Variants in ZNF618 observed in about 807,000 individuals in gnomAD.
ZNF618 encodes the protein zinc finger protein 618.
A neutral mutation model predicts 103.0 loss-of-function variants in ZNF618; 34 were observed. The ratio of observed to expected loss-of-function variants is 0.33; its 90% CI spans 0.25 to 0.44. ZNF618 has a LOEUF of 0.44. Among genes scored for constraint, ZNF618 ranks in the 20% least tolerant of loss-of-function variants. ZNF618 has a pLI of 1.00. For synonymous variants in ZNF618, 551 were observed against 542.2 expected, an observed-to-expected ratio of 1.02 and a Z score of -0.23; for missense variants, 1,059 against 1,295.4, an observed-to-expected ratio of 0.82 and a Z score of 2.80.
At chr9:113,952,078 T>G (rs1473782814) in intron 1 of ZNF618, among the ~76,000 whole-genome samples, 1 of 152,200 alleles carries the variant, frequency 6.6e-6, no homozygotes, top group Non-Finnish European at 1.5e-5. Context: ...TTCCATTAAC[T>G]GTTTTTTCTT....
intron 1 of ZNF618, among the ~76,000 whole-genome samples, chr9:113,895,400 G>A (rs911958640): frequency 2.6e-4 from 39 of 152,076 alleles, no homozygotes; most frequent in African/African-American, 8.9e-4. Flanking sequence ...AACTATCCTG[G>A]AAGGAACCCA....
chr9:113,932,151 A>G (rs1417429143), intron 1 of ZNF618, among the ~76,000 whole-genome samples: 1 of 152,130 alleles, frequency 6.6e-6, no homozygotes, highest in Non-Finnish European at 1.5e-5. Context: ...AGGGGCAGGT[A>G]ATGGAGTGGA....
At chr9:113,952,189 A>G (rs1835844484) in intron 1 of ZNF618, among the ~76,000 whole-genome samples, 1 of 152,200 alleles carries the variant, frequency 6.6e-6, no homozygotes, top group Non-Finnish European at 1.5e-5. Context: ...GGTCCGCAGC[A>G]TTTCACTAAA....
intron 1 of ZNF618, among the ~76,000 whole-genome samples, chr9:113,942,047 C>T (rs1834600280): frequency 6.6e-6 from 1 of 152,124 alleles, no homozygotes. Context: ...ACGGACAAAA[C>T]ATTTAGGACA....
Position 113,925,017 on chromosome 9 carries a change from C to G in ZNF618, c.34-44100C>G, listed in dbSNP as rs1028945863. 2.0e-5 allele frequency among the ~76,000 whole-genome samples: 3 copies of G among 151,980 alleles called. No homozygotes were observed. In the South Asian group the frequency reaches 6.2e-4, roughly 32 times the overall value. ...TTGTGGTGTTGTTGGATGCAATACCCTATAATAATGTCAATTAGATCCAGT... is the reference window on the plus strand; with the variant it reads ...TTGTGGTGTTGTTGGATGCAATACCGTATAATAATGTCAATTAGATCCAGT... On this transcript the variant is annotated intron_variant, in intron 1 of 14. Transcript: ENST00000374126.
At chr9:113,885,921 C>T (rs987813920) in intron 1 of ZNF618, among the ~76,000 whole-genome samples, 9 of 152,104 alleles carry the variant, frequency 5.9e-5, no homozygotes, top group South Asian at 4.1e-4. Context: ...TAAGCTAAAG[C>T]GAATAAATGG....
At chr9:113,879,463 A>G (rs1828302636) in intron 1 of ZNF618, among the ~76,000 whole-genome samples, 1 of 129,338 alleles carries the variant, frequency 7.7e-6, no homozygotes, top group East Asian at 2.4e-4. Context: ...GAGGTGCATG[A>G]TGGTTCTATT....
intron 1 of ZNF618, among the ~76,000 whole-genome samples, chr9:113,889,173 G>T (rs575645587): frequency 2.6e-5 from 4 of 152,320 alleles, no homozygotes; most frequent in South Asian, 4.1e-4. Context: ...CAGTTGGTCA[G>T]TTCTGGCTCA....
chr9:113,912,601 T>C (rs1466355390), intron 1 of ZNF618, among the ~76,000 whole-genome samples: 1 of 152,188 alleles, frequency 6.6e-6, no homozygotes, highest in Non-Finnish European at 1.5e-5. Context: ...TTATAAGCTC[T>C]GCTGGTGTCA....
Position 113,988,587 on chromosome 9 carries a change from G to A in ZNF618, c.337+7G>A. On this transcript the variant is annotated splice_region_variant and intron_variant, in intron 3 of 14. Transcript: ENST00000374126. ...CGCAACCAGCAGACCCTTGGTGAGT[G>A]CCCAGCGTCTGTGGTCAGGGTGGAG... 6.2e-7 allele frequency: 1 copy of A among 1,601,000 alleles called. No individual in the cohort carries two copies. Among genetic ancestry groups the A allele is most frequent in the South Asian group, 1.1e-5 (1 of 89,812 alleles).
At chr9:113,958,848 A>G (rs372885810) in intron 1 of ZNF618, among the ~76,000 whole-genome samples, 22 of 152,264 alleles carry the variant, frequency 1.4e-4, no homozygotes, top group African/African-American at 5.3e-4. Flanking sequence ...GGTGTCTGTC[A>G]TTGCCCTAAC....
In ZNF618 at chr9:114,050,288, C is replaced by T. The variant is rs868162619; in HGVS notation, c.*121C>T. 2 of 1,246,920 alleles carry T rather than the reference C, an allele frequency of 1.6e-6. No homozygotes were observed. The highest frequency in any genetic ancestry group is 2.2e-6 in the Non-Finnish European group (2 of 915,512). The allele number at this position is 1,246,920 out of a possible 1,614,324, so 77.2% of individuals were successfully genotyped here. The stretch of plus-strand genomic sequence containing the variant: ...ACACTGTGGACCTCATTATAAATGC[C>T]CCCTGGAAACTTAAGTGCTTTTTTT... On this transcript the variant is annotated 3_prime_UTR_variant, in exon 15 of 15. Coordinates refer to ENST00000374126, the MANE Select transcript of ZNF618 (RefSeq NM_001318042.2).
intron 2 of ZNF618, among the ~76,000 whole-genome samples, chr9:113,975,050 T>C (rs979849788): frequency 6.6e-6 from 1 of 152,200 alleles, no homozygotes. Flanking sequence ...TTTATTTTTA[T>C]TACTACCATG....
chr9:113,916,148 C>T (rs1031795962), intron 1 of ZNF618, among the ~76,000 whole-genome samples: 3 of 151,576 alleles, frequency 2.0e-5, no homozygotes, highest in Admixed American at 6.6e-5. Flanking sequence ...CAGGAACACC[C>T]GAAAGCTTTT....
At chr9:114,019,497 A>G (rs1410023313) in intron 10 of ZNF618, among the ~76,000 whole-genome samples, 1 of 152,218 alleles carries the variant, frequency 6.6e-6, no homozygotes, top group African/African-American at 2.4e-5. Flanking sequence ...GTTCTTGCCA[A>G]CATTCGATGG....
chr9:114,028,179 AG>A (rs1377199840), intron 10 of ZNF618: 1 of 153,648 alleles, frequency 6.5e-6, no homozygotes, highest in Admixed American at 6.4e-5. Context: ...GACAGCATCC[AG>A]GAACTGCTAC....
chr9:114,007,516 C>A, intron 7 of ZNF618, 77 bp downstream of exon 7: 1 of 1,382,870 alleles, frequency 7.2e-7, no homozygotes, highest in Non-Finnish European at 1.0e-6. Context: ...CAGCCCTCCC[C>A]GCCTCCCTCC....
intron 2 of ZNF618, 99 bp from the exon 3 acceptor site, chr9:113,988,222 A>G (rs562409412): frequency 3.4e-6 from 5 of 1,450,886 alleles, no homozygotes; most frequent in Admixed American, 2.5e-5. Context: ...AGAATTCACT[A>G]TGCACACAGC....
intron 1 of ZNF618, among the ~76,000 whole-genome samples, chr9:113,914,411 C>A (rs1359287160): frequency 6.6e-6 from 1 of 152,134 alleles, no homozygotes; most frequent in Non-Finnish European, 1.5e-5. Flanking sequence ...CTCTGTAGAG[C>A]CATTAATCTC....
Sources: gnomAD v4.1 joint callset for allele counts (sites outside exome capture counted in the v4.1 genomes callset) on GRCh38, gnomAD v4.1.1 for gene constraint, MANE v1.5 for transcripts, NCBI Gene and HGNC (gene_info 2026-07-23, HGNC 2026-07-21) for gene names.